The following CBFA2T3 variants were observed in gnomAD, a reference collection of about 807,000 sequenced individuals.
CBFA2T3 encodes CBFA2/RUNX1 partner transcriptional co-repressor 3.
Under a neutral mutation model 58.6 loss-of-function variants are expected in CBFA2T3, and 31 were observed. The observed-to-expected ratio is 0.53, with a 90% CI of 0.40 to 0.71. The LOEUF (loss-of-function observed/expected upper bound fraction) is 0.71. Ranked by LOEUF, CBFA2T3 falls within the 30% of genes least tolerant of loss-of-function variation. CBFA2T3 has a pLI of 0.00. For missense variants in CBFA2T3, 1,076 were observed against 963.1 expected (o/e 1.12, Z -1.55); for synonymous variants, 531 against 421.9 (o/e 1.26, Z -3.17).
At chr16:88,914,342 C>G (rs527585678) in intron 1 of CBFA2T3, among the ~76,000 whole-genome samples, 25 of 152,284 alleles carry the variant, frequency 1.6e-4, no homozygotes, top group African/African-American at 4.3e-4. Context: ...GGCCCATAGC[C>G]GTGTGCACGT....
At chr16:88,960,459 T>A (rs891265401) in intron 1 of CBFA2T3, among the ~76,000 whole-genome samples, 1 of 152,236 alleles carries the variant, frequency 6.6e-6, no homozygotes, top group African/African-American at 2.4e-5. Flanking sequence ...TATTGATTTG[T>A]GGACTGGAAC....
At chr16:88,916,230 G>GTATA (rs202210696) in intron 1 of CBFA2T3, among the ~76,000 whole-genome samples, 2 of 151,416 alleles carry the variant, frequency 1.3e-5, no homozygotes, top group African/African-American at 2.4e-5. Context: ...ACATGTGGGT[G>GTATA]TGTGTATTCA....
At chr16:88,919,198 A>G (rs1970833132) in intron 1 of CBFA2T3, among the ~76,000 whole-genome samples, 1 of 152,056 alleles carries the variant, frequency 6.6e-6, no homozygotes. Context: ...CTCTTTTAAA[A>G]AGTTCTAAGT....
chr16:88,967,039 C>G (rs551360599), intron 1 of CBFA2T3, among the ~76,000 whole-genome samples: 12 of 152,272 alleles, frequency 7.9e-5, no homozygotes, highest in African/African-American at 2.4e-4. Context: ...GTTTGTAGCA[C>G]GGGAAATTGA....
intron 1 of CBFA2T3, among the ~76,000 whole-genome samples, chr16:88,973,435 C>T (rs576954840): frequency 8.5e-5 from 13 of 152,298 alleles, no homozygotes; most frequent in African/African-American, 2.9e-4. Flanking sequence ...TTCCAGCCTG[C>T]GGCACTGTGA....
intron 2 of CBFA2T3, among the ~76,000 whole-genome samples, chr16:88,898,737 A>C (rs1969987958): frequency 6.6e-6 from 1 of 152,206 alleles, no homozygotes; most frequent in South Asian, 2.1e-4. Context: ...AGGAAGAAAG[A>C]TTCGGCTGGG....
At chr16:88,909,438 C>T (rs894908271) in intron 1 of CBFA2T3, among the ~76,000 whole-genome samples, 1 of 151,972 alleles carries the variant, frequency 6.6e-6, no homozygotes, top group African/African-American at 2.4e-5. Context: ...CCCAGGCAAC[C>T]CCAGCGGCGG....
rs1474910015 is a variant in CBFA2T3, at chr16:88,976,788, C to T, written c.20G>A (p.Arg7Lys). The part of the protein sequence containing the change: MPASRL[R>K]DRAASSASGS... ...CGAGGCTGAACTGGCTGCCCTGTCC[C>T]TCAGTCTTGAAGCCGGCATGAGGAG... The change falls in exon 1 of 12, where the codon AGG becomes AAG. Residue 7 changes from arginine to lysine, a missense_variant. Coordinates refer to ENST00000268679, the MANE Select transcript of CBFA2T3 (RefSeq NM_005187.6). The T allele has an allele frequency of 1.9e-6, 3 of 1,555,274 alleles. No homozygotes were observed. Among genetic ancestry groups the T allele is most frequent in the Non-Finnish European group, 2.6e-6 (3 of 1,149,046 alleles).
At chr16:88,891,592 G>C (rs894803418) in intron 5 of CBFA2T3, among the ~76,000 whole-genome samples, 1 of 152,198 alleles carries the variant, frequency 6.6e-6, no homozygotes, top group Non-Finnish European at 1.5e-5. Flanking sequence ...GAGGCGAACC[G>C]GACAGCTCTG....
rs146149123 is a variant in CBFA2T3, at chr16:88,901,524, G to T, written c.284C>A (p.Pro95His). 241 of 1,471,516 alleles carry T rather than the reference G, an allele frequency of 1.6e-4. 1 individual carries two copies. The African/African-American group carries it at 3.0e-3, about 18-fold the overall frequency. The allele number at this position is 1,471,516 out of a possible 1,614,324, so 91.2% of individuals were successfully genotyped here. ...PAASQGATRP[P>H]SFTPHTHRED... ...CTTACGTGTGTGTGGCGTGAAGGAGGGGGGGCGTGTGGCCCCCTGGGATGC... is the reference window on the plus strand; with the variant it reads ...CTTACGTGTGTGTGGCGTGAAGGAGTGGGGGCGTGTGGCCCCCTGGGATGC... Residue 95 changes from proline (P) to histidine (H), a missense_variant, in exon 2 of 12, where the codon CCC becomes CAC. By Grantham distance (77) the Pro-to-His change is moderately conservative. Transcript: ENST00000268679.
At chr16:88,914,935 G>A (rs1044389824) in intron 1 of CBFA2T3, among the ~76,000 whole-genome samples, 31 of 152,042 alleles carry the variant, frequency 2.0e-4, no homozygotes, top group African/African-American at 7.5e-4. Context: ...AGCGCCCTGG[G>A]GGAGGTGGCC....
At chr16:88,966,503 G>A (rs917018640) in intron 1 of CBFA2T3, among the ~76,000 whole-genome samples, 6 of 151,802 alleles carry the variant, frequency 4.0e-5, no homozygotes, top group East Asian at 1.9e-4. Context: ...ATGTCCAGAC[G>A]AGGACCAGGC....
chr16:88,935,373 T>C (rs937902495), intron 1 of CBFA2T3, among the ~76,000 whole-genome samples: 5 of 152,296 alleles, frequency 3.3e-5, no homozygotes, highest in Admixed American at 2.0e-4. Context: ...ACCACCTGCG[T>C]GGGGACCCTG....
At chr16:88,887,317 G>A (rs963678574) in intron 5 of CBFA2T3, among the ~76,000 whole-genome samples, 1 of 152,140 alleles carries the variant, frequency 6.6e-6, no homozygotes, top group Non-Finnish European at 1.5e-5. Context: ...GGGAAACGAG[G>A]TCCCGGGAGG....
chr16:88,921,461 C>T lies in CBFA2T3; in HGVS notation c.152-19805G>A, dbSNP rs572585670. ...AGGGAGGTGGTGGCACGTGGCCAGC[C>T]GGGATTTCCCGATCCAGGGCGGCGA... On this transcript the variant is annotated intron_variant, in intron 1 of 11. Transcript: ENST00000268679. Among the ~76,000 whole-genome samples the T allele has an allele frequency of 3.7e-3, 558 of 152,294 alleles. 6 individuals are homozygous for T. The highest frequency in any genetic ancestry group is 0.012 in the African/African-American group (518 of 41,572).
chr16:88,891,854 G>T, intron 5 of CBFA2T3, 28 bp downstream of exon 5: 4 of 1,540,464 alleles, frequency 2.6e-6, no homozygotes, highest in Non-Finnish European at 3.6e-6. Flanking sequence ...GGAGGCTCCC[G>T]CAGCACGGGG....
chr16:88,969,308 G>A (rs919712236), intron 1 of CBFA2T3, among the ~76,000 whole-genome samples: 1 of 152,186 alleles, frequency 6.6e-6, no homozygotes, highest in Non-Finnish European at 1.5e-5. Flanking sequence ...AGGAAGCTCC[G>A]GGAGCCCACA....
rs1414552351 is a variant in CBFA2T3 at position 88,932,289 on chromosome 16, G to A, written c.152-30633C>T. ...TTCCCCATCCCGGAAAACAGGCAGA[G>A]CACACACTTCCAGGAAAGAGGCCGC... On this transcript the variant is annotated intron_variant, in intron 1 of 11. Transcript: ENST00000268679. Among the ~76,000 whole-genome samples the A allele has an allele frequency of 3.4e-5, 5 of 148,596 alleles. No individual in the cohort carries two copies. In the East Asian group the frequency reaches 1.0e-3, roughly 30 times the overall value.
intron 1 of CBFA2T3, among the ~76,000 whole-genome samples, chr16:88,922,921 G>GTA (rs1416429376): frequency 2.0e-5 from 3 of 152,160 alleles, no homozygotes; most frequent in Non-Finnish European, 4.4e-5. Flanking sequence ...TCTTCCCACC[G>GTA]TACAGATGGG....
Sources: gnomAD v4.1 joint callset for allele counts (sites outside exome capture counted in the v4.1 genomes callset) on GRCh38, gnomAD v4.1.1 for gene constraint, MANE v1.5 for transcripts, NCBI Gene and HGNC (gene_info 2026-07-23, HGNC 2026-07-21) for gene names.